PCDH15: variants seen among roughly 807,000 people sequenced by gnomAD.
PCDH15 encodes the protein protocadherin-15.
Under a neutral mutation model 178.5 loss-of-function variants are expected in PCDH15, and 129 were observed. The observed-to-expected ratio is 0.72, with a 90% CI of 0.63 to 0.84. The LOEUF is 0.84. Among genes scored for constraint, PCDH15 ranks in the 40% least tolerant of loss-of-function variants. The pLI, the probability that PCDH15 is intolerant of heterozygous loss-of-function variation, is 0.00. For synonymous variants in PCDH15, 800 were observed against 732.0 expected, an observed-to-expected ratio of 1.09 and a Z score of -1.50; for missense variants, 2,230 against 2,099.9, an observed-to-expected ratio of 1.06 and a Z score of -1.21.
chr10:54,122,536 T>A (rs1233684489), intron 15 of PCDH15, among the ~76,000 whole-genome samples: 2 of 150,782 alleles, frequency 1.3e-5, no homozygotes, highest in African/African-American at 4.9e-5. Flanking sequence ...TTTTTTTTCA[T>A]ATATTTGCTG....
chr10:54,066,800 GAT>G lies in PCDH15; in HGVS notation c.2175_2176del (p.Leu725PhefsTer20). On this transcript the variant is annotated frameshift_variant, in exon 18 of 38. Coordinates refer to ENST00000644397, the MANE Select transcript of PCDH15 (RefSeq NM_001384140.1). LOFTEE classifies it high-confidence loss of function. Reference sequence around the variant, plus strand: ...GGCATTGGCTTCTTCTTCCACCACAGATAAATTTCTTGGCAGATAAGGATCAA... The same window carrying G: ...GGCATTGGCTTCTTCTTCCACCACAGAAATTTCTTGGCAGATAAGGATCAA... 1 of 1,613,400 alleles carries G rather than the reference GAT, an allele frequency of 6.2e-7. No homozygotes were observed. The highest frequency in any genetic ancestry group is 1.1e-5 in the South Asian group (1 of 91,068).
intron 2 of PCDH15, among the ~76,000 whole-genome samples, chr10:54,585,373 C>G (rs4457656): frequency 0.92 from 140,128 of 151,964 alleles, 65,029 homozygotes; most frequent in Middle Eastern, 0.98. Context: ...TTTAAAACTT[C>G]GGCTTTATTA....
intron 26 of PCDH15, among the ~76,000 whole-genome samples, chr10:53,868,021 T>A (rs1324624525): frequency 1.3e-5 from 2 of 152,054 alleles, no homozygotes; most frequent in Non-Finnish European, 2.9e-5. Flanking sequence ...AATACAGCTA[T>A]GAGAATCATA....
chr10:55,166,212 T>C (rs1839192358), intron 2 of PCDH15, among the ~76,000 whole-genome samples: 1 of 152,118 alleles, frequency 6.6e-6, no homozygotes, highest in African/African-American at 2.4e-5. Context: ...CACACAATGA[T>C]GGATGCAATG....
chr10:55,550,307 T>C (rs1841978968), intron 2 of PCDH15, among the ~76,000 whole-genome samples: 1 of 152,190 alleles, frequency 6.6e-6, no homozygotes, highest in African/African-American at 2.4e-5. Context: ...TTTAAGGAGA[T>C]GTTACTGATA....
intron 2 of PCDH15, among the ~76,000 whole-genome samples, chr10:55,144,221 C>T (rs1838433697): frequency 6.6e-6 from 1 of 151,502 alleles, no homozygotes; most frequent in Admixed American, 6.6e-5. Flanking sequence ...CAAGCTTGTA[C>T]AGTGAGTCAG....
chr10:55,275,571 A>T (rs1334848701), intron 1 of PCDH15, among the ~76,000 whole-genome samples: 1 of 151,976 alleles, frequency 6.6e-6, no homozygotes, highest in Non-Finnish European at 1.5e-5. Flanking sequence ...ATCCGTACTT[A>T]TAAGAATTTG....
Position 55,423,518 on chromosome 10 carries a change from C to T in PCDH15, c.-156+204107G>A, listed in dbSNP as rs187641822. ...GTGCACATATATGCCTATAGTCACA[C>T]TAAGAAAGCACACTATTTCCAGAGC... On this transcript the variant is annotated intron_variant, in intron 2 of 5. Transcript: ENST00000613346. Among the ~76,000 whole-genome samples, 197 of 151,988 alleles carry T rather than the reference C, an allele frequency of 1.3e-3. 3 individuals carry two copies. The highest frequency in any genetic ancestry group is 4.7e-3 in the African/African-American group (196 of 41,484).
intron 2 of PCDH15, among the ~76,000 whole-genome samples, chr10:55,505,045 T>C (rs747232115): frequency 3.3e-5 from 5 of 151,538 alleles, no homozygotes; most frequent in East Asian, 2.0e-4. Context: ...CTGACTTGCA[T>C]TGGAAACTTT....
chr10:53,920,029 A>G (rs2133866461), intron 25 of PCDH15, among the ~76,000 whole-genome samples: 1 of 152,324 alleles, frequency 6.6e-6, no homozygotes, highest in South Asian at 2.1e-4. Flanking sequence ...AAGTATTTCT[A>G]TATGCCTTCA....
chr10:54,757,649 C>T (rs1298374951), intron 1 of PCDH15, among the ~76,000 whole-genome samples: 2 of 152,106 alleles, frequency 1.3e-5, no homozygotes, highest in Non-Finnish European at 2.9e-5. Flanking sequence ...ATGGTAGTCA[C>T]AGTGCTATGC....
At chr10:54,063,263 C>T (rs996340346) in intron 18 of PCDH15, among the ~76,000 whole-genome samples, 5 of 152,174 alleles carry the variant, frequency 3.3e-5, no homozygotes, top group African/African-American at 1.2e-4. Context: ...CATGGTACGT[C>T]TTATTCATTG....
intron 2 of PCDH15, among the ~76,000 whole-genome samples, chr10:55,159,668 A>C (rs1024298206): frequency 6.8e-6 from 1 of 147,790 alleles, no homozygotes; most frequent in African/African-American, 2.5e-5. Context: ...ATATAATTAT[A>C]TATCTTTATA....
chr10:53,829,459 A>C (rs1294307609), intron 30 of PCDH15, among the ~76,000 whole-genome samples: 1 of 152,220 alleles, frequency 6.6e-6, no homozygotes, highest in Non-Finnish European at 1.5e-5. Context: ...GCAGGATATA[A>C]TAAAGCTCCT....
intron 8 of PCDH15, among the ~76,000 whole-genome samples, chr10:54,298,101 C>T (rs1240912847): frequency 6.6e-6 from 1 of 152,052 alleles, no homozygotes; most frequent in African/African-American, 2.4e-5. Flanking sequence ...TAGGAAAAAG[C>T]CCATGAATTA....
chr10:54,394,793 G>A (rs191087962), intron 3 of PCDH15, among the ~76,000 whole-genome samples: 4 of 152,172 alleles, frequency 2.6e-5, no homozygotes, highest in Admixed American at 2.6e-4. Context: ...AGAGGCAGGC[G>A]CACCTGGGGG....
At chr10:54,409,256 G>A (rs567133417) in intron 3 of PCDH15, among the ~76,000 whole-genome samples, 1 of 152,182 alleles carries the variant, frequency 6.6e-6, no homozygotes, top group South Asian at 2.1e-4. Context: ...TGTGAAAATG[G>A]CCAAATATAC....
At chr10:55,190,101 T>C (rs1564877134) in intron 1 of PCDH15, among the ~76,000 whole-genome samples, 1 of 151,744 alleles carries the variant, frequency 6.6e-6, no homozygotes, top group East Asian at 1.9e-4. Flanking sequence ...AAAGCATAAA[T>C]GAATCTCATA....
intron 3 of PCDH15, among the ~76,000 whole-genome samples, chr10:54,846,984 T>C (rs2131759711): frequency 6.6e-6 from 1 of 152,302 alleles, no homozygotes; most frequent in South Asian, 2.1e-4. Flanking sequence ...CTACGCCACA[T>C]CAAAGTTTAC....
Sources: allele counts gnomAD v4.1 joint callset (sites outside exome capture counted in the v4.1 genomes callset), GRCh38; gene constraint gnomAD v4.1.1; transcripts MANE v1.5; gene names NCBI Gene and HGNC (gene_info 2026-07-23, HGNC 2026-07-21).